FAM53B: variants seen among roughly 807,000 people sequenced by gnomAD.
FAM53B encodes family with sequence similarity 53 member B, also known as protein FAM53B.
A neutral mutation model predicts 32.7 loss-of-function variants in FAM53B; 12 were observed. That is an observed-to-expected ratio of 0.37 (90% CI 0.24 to 0.59). The LOEUF is 0.59. FAM53B is among the 20% of genes least tolerant of loss of function. The probability of loss-of-function intolerance (pLI) is 0.72; values close to 1 mark genes in which losing one functional copy is unlikely to be tolerated. For missense variants in FAM53B, 477 were observed against 577.7 expected, an observed-to-expected ratio of 0.83 and a Z score of 1.79; for synonymous variants, 234 against 228.7, an observed-to-expected ratio of 1.02 and a Z score of -0.21.
At chr10:124,743,586 T>C (rs1950212905) in intron 1 of FAM53B, among the ~76,000 whole-genome samples, 1 of 152,110 alleles carries the variant, frequency 6.6e-6, no homozygotes, top group African/African-American at 2.4e-5. Flanking sequence ...TCGGGGCGAA[T>C]GGGGCCGCCC....
At chr10:124,702,673 CCCTG>C (rs1245910129) in intron 2 of FAM53B, among the ~76,000 whole-genome samples, 2 of 152,152 alleles carry the variant, frequency 1.3e-5, no homozygotes, top group African/African-American at 2.4e-5. Context: ...ATGGGTGCAC[CCCTG>C]CCCCTCAGCA....
At chr10:124,624,615 G>A (rs937520405) in intron 4 of FAM53B, among the ~76,000 whole-genome samples, 1 of 152,184 alleles carries the variant, frequency 6.6e-6, no homozygotes, top group Admixed American at 6.5e-5. Flanking sequence ...TCCCAGGCTG[G>A]CCTGGGGCAG....
At chr10:124,665,152 T>A (rs976018678) in intron 4 of FAM53B, among the ~76,000 whole-genome samples, 1 of 152,192 alleles carries the variant, frequency 6.6e-6, no homozygotes, top group Non-Finnish European at 1.5e-5. Context: ...GTTCACAGCC[T>A]CCAGTGCTCT....
chr10:124,727,343 GGT>G (rs1458073745), intron 1 of FAM53B, among the ~76,000 whole-genome samples: 3,171 of 97,174 alleles, frequency 0.033, no homozygotes, highest in Non-Finnish European at 0.044. Context: ...GGGGGGGGGG[GGT>G]GCGGGGGTAC....
chr10:124,626,760 G>A lies in FAM53B; in HGVS notation c.907-3156C>T, dbSNP rs75001528. Among the ~76,000 whole-genome samples the A allele has an allele frequency of 1.2e-3, 181 of 152,364 alleles. 1 individual carries two copies. The East Asian group carries it at 0.023, about 19-fold the overall frequency. On this transcript the variant is annotated intron_variant, in intron 4 of 4. Coordinates refer to ENST00000337318, the MANE Select transcript of FAM53B (RefSeq NM_014661.4). ...CCCATTAGCTAGACCTTTCACAGACGTGTGGCTTTTGCCTCACTGCGCCCT... is the reference window on the plus strand; with the variant it reads ...CCCATTAGCTAGACCTTTCACAGACATGTGGCTTTTGCCTCACTGCGCCCT...
intron 3 of FAM53B, among the ~76,000 whole-genome samples, chr10:124,694,709 C>G (rs1949857674): frequency 6.6e-6 from 1 of 152,212 alleles, no homozygotes; most frequent in South Asian, 2.1e-4. Flanking sequence ...AGCTATGTGT[C>G]TGGGGCCCTG....
Position 124,684,679 on chromosome 10 carries a change from C to T in FAM53B, c.134-2300G>A, listed in dbSNP as rs573561104. On this transcript the variant is annotated intron_variant, in intron 3 of 4. Coordinates refer to ENST00000337318, the MANE Select transcript of FAM53B (RefSeq NM_014661.4). ...GGATTACAGGCATGTACCACACGCC[C>T]AGCTAATTTTTGTATTTTTTGTAGA... Among the ~76,000 whole-genome samples the T allele has an allele frequency of 6.6e-5, 10 of 152,206 alleles. No homozygotes were observed. In the East Asian group the frequency reaches 1.9e-3, roughly 29 times the overall value.
intron 1 of FAM53B, among the ~76,000 whole-genome samples, chr10:124,723,490 G>A (rs1950082841): frequency 6.6e-6 from 1 of 152,210 alleles, no homozygotes; most frequent in South Asian, 2.1e-4. Context: ...AAAAACCCCT[G>A]TATCTGATCA....
At chr10:124,726,294 A>T (rs973575788) in intron 1 of FAM53B, among the ~76,000 whole-genome samples, 5 of 152,212 alleles carry the variant, frequency 3.3e-5, no homozygotes, top group Non-Finnish European at 5.9e-5. Flanking sequence ...CACCCCCAGC[A>T]TGTCCTCTGG....
chr10:124,692,042 C>T (rs1444026462), intron 3 of FAM53B, among the ~76,000 whole-genome samples: 1 of 152,232 alleles, frequency 6.6e-6, no homozygotes, highest in African/African-American at 2.4e-5. Flanking sequence ...GGCTCTTTCC[C>T]AGAGAAGCTT....
chr10:124,663,695 C>T (rs1428094074), intron 4 of FAM53B, among the ~76,000 whole-genome samples: 1 of 152,322 alleles, frequency 6.6e-6, no homozygotes, highest in Non-Finnish European at 1.5e-5. Context: ...GTGAACTGCA[C>T]TCTGGGAGCT....
intron 1 of FAM53B, among the ~76,000 whole-genome samples, chr10:124,715,294 T>C (rs1394256795): frequency 6.6e-6 from 1 of 152,066 alleles, no homozygotes; most frequent in African/African-American, 2.4e-5. Flanking sequence ...TTGGAGAGGG[T>C]AGAAGCGGGA....
At chr10:124,647,639 A>G (rs924713145) in intron 4 of FAM53B, among the ~76,000 whole-genome samples, 1 of 152,212 alleles carries the variant, frequency 6.6e-6, no homozygotes. Flanking sequence ...TGTCACAGCT[A>G]GGAAGCAGCA....
At chr10:124,632,847 G>A (rs1949400348) in intron 4 of FAM53B, among the ~76,000 whole-genome samples, 1 of 152,234 alleles carries the variant, frequency 6.6e-6, no homozygotes, top group Admixed American at 6.5e-5. Context: ...AGGAAAGCAT[G>A]CAGTCCTCCG....
chr10:124,704,929 C>T (rs550434931), intron 2 of FAM53B, among the ~76,000 whole-genome samples: 163 of 152,326 alleles, frequency 1.1e-3, no homozygotes, highest in African/African-American at 3.7e-3. Flanking sequence ...GAAGTAATCA[C>T]ATCACACAGC....
At chr10:124,690,054 C>T (rs1949824176) in intron 3 of FAM53B, among the ~76,000 whole-genome samples, 1 of 152,210 alleles carries the variant, frequency 6.6e-6, no homozygotes, top group African/African-American at 2.4e-5. Flanking sequence ...TGGGTGTGCA[C>T]AGAGCAAGTG....
chr10:124,648,471 C>A (rs192352567), intron 4 of FAM53B, among the ~76,000 whole-genome samples: 3 of 152,218 alleles, frequency 2.0e-5, no homozygotes, highest in African/African-American at 7.2e-5. Flanking sequence ...CATCTCCCCG[C>A]TCCTTGGGAG....
At chr10:124,713,197 T>C (rs1349985846) in intron 1 of FAM53B, among the ~76,000 whole-genome samples, 2 of 152,216 alleles carry the variant, frequency 1.3e-5, no homozygotes. Flanking sequence ...CACGTTCCTA[T>C]GAACAGGCAT....
At chr10:124,739,692 A>G (rs1470024672) in intron 1 of FAM53B, among the ~76,000 whole-genome samples, 1 of 152,136 alleles carries the variant, frequency 6.6e-6, no homozygotes, top group Non-Finnish European at 1.5e-5. Context: ...GGTCTGGCCA[A>G]GCTGTCCCCC....
Sources: gnomAD v4.1 joint callset for allele counts (sites outside exome capture counted in the v4.1 genomes callset) on GRCh38, gnomAD v4.1.1 for gene constraint, MANE v1.5 for transcripts, NCBI Gene and HGNC (gene_info 2026-07-23, HGNC 2026-07-21) for gene names.